ELAVL4: variants seen among roughly 807,000 people sequenced by gnomAD.
ELAVL4 encodes the protein ELAV like RNA binding protein 4.
ELAVL4 carries 1 observed loss-of-function variant against 35.6 expected under a neutral mutation model. The ratio of observed to expected loss-of-function variants is 0.03; its 90% confidence interval spans 0.01 to 0.13. ELAVL4 has a LOEUF of 0.13. Ranked by LOEUF, ELAVL4 falls within the 10% of genes least tolerant of loss-of-function variation. The pLI, the probability that ELAVL4 is intolerant of heterozygous loss-of-function variation, is 1.00. For synonymous variants in ELAVL4, 156 were observed against 171.0 expected (o/e 0.91, Z 0.69); for missense variants, 267 against 464.9 (o/e 0.57, Z 3.91).
intron 1 of ELAVL4, among the ~76,000 whole-genome samples, chr1:50,130,354 G>A (rs1472496999): frequency 6.6e-6 from 1 of 152,150 alleles, no homozygotes; most frequent in Non-Finnish European, 1.5e-5. Context: ...GACTCTGCCT[G>A]AAGACTCATT....
chr1:50,203,678 A>T lies in ELAVL4; in HGVS notation c.*2500A>T, dbSNP rs1020161812. The T allele has an allele frequency of 6.6e-6, 1 of 152,182 alleles. No individual in the cohort carries two copies. Among genetic ancestry groups the T allele is most frequent in the African/African-American group, 2.4e-5 (1 of 41,442 alleles). 9.4% of individuals were successfully genotyped at this position (152,182 alleles called of 1,614,324 possible). The stretch of plus-strand genomic sequence containing the variant: ...TGCTAGTTTAGATGATTTCCAAGGG[A>T]AAGTATTGTAAATGTTTTTTTTTCA... On this transcript the variant is annotated 3_prime_UTR_variant, in exon 7 of 7. Transcript: ENST00000371824.
chr1:50,098,140 A>G (rs1467156931), intron 1 of ELAVL4, among the ~76,000 whole-genome samples: 1 of 152,192 alleles, frequency 6.6e-6, no homozygotes, highest in Non-Finnish European at 1.5e-5. Flanking sequence ...AAAATCATCA[A>G]TGTGATGATT....
intron 1 of ELAVL4, among the ~76,000 whole-genome samples, chr1:50,074,310 T>A (rs898814169): frequency 1.1e-4 from 17 of 152,226 alleles, no homozygotes; most frequent in Admixed American, 2.6e-4. Context: ...GAGTAGGCAC[T>A]CTAGAAATCT....
chr1:50,066,920 C>A (rs1664290223), intron 1 of ELAVL4, among the ~76,000 whole-genome samples: 1 of 152,132 alleles, frequency 6.6e-6, no homozygotes, highest in Admixed American at 6.6e-5. Context: ...CCTTTTCCCT[C>A]AAACTGTCTC....
chr1:50,065,685 A>T (rs1197251850), intron 1 of ELAVL4, among the ~76,000 whole-genome samples: 2 of 152,208 alleles, frequency 1.3e-5, no homozygotes, highest in Non-Finnish European at 1.5e-5. Context: ...CAATGGTTTG[A>T]AACAGTGAAT....
rs1028979544 is a variant in ELAVL4 at position 50,135,278 on chromosome 1, A to C, written c.10-9679A>C. On this transcript the variant is annotated intron_variant, in intron 1 of 6. Transcript: ENST00000371824. ...AGCGCTATATTCTCATTGTAGAAAC[A>C]AAACAAAGAGTTGACAAATAAACAA... 3.3e-5 allele frequency among the ~76,000 whole-genome samples: 5 copies of C among 152,186 alleles called. No individual in the cohort carries two copies. In the East Asian group the frequency reaches 9.6e-4, roughly 29 times the overall value.
chr1:50,145,444 T>C (rs1673535868), intron 2 of ELAVL4, among the ~76,000 whole-genome samples: 1 of 152,204 alleles, frequency 6.6e-6, no homozygotes, highest in Non-Finnish European at 1.5e-5. Context: ...TGATTTTGTC[T>C]CCTTTTATTC....
chr1:50,182,103 G>A (rs1284657070), intron 3 of ELAVL4, among the ~76,000 whole-genome samples: 3 of 152,234 alleles, frequency 2.0e-5, no homozygotes, highest in Non-Finnish European at 2.9e-5. Context: ...TCCCAGGCCT[G>A]ACCTTCTGTT....
chr1:50,108,778 A>T (rs971853215), upstream of ELAVL4: 4 of 287,806 alleles, frequency 1.4e-5, no homozygotes, highest in African/African-American at 2.3e-5. Flanking sequence ...GAGGTCACCA[A>T]ATCATTAACA....
In ELAVL4 at chr1:50,201,268, A is replaced by G; in HGVS notation, c.*90A>G. The G allele has an allele frequency of 7.1e-7, 1 of 1,403,730 alleles. No individual in the cohort carries two copies. Among genetic ancestry groups the G allele is most frequent in the Non-Finnish European group, 9.3e-7 (1 of 1,070,784 alleles). 87.0% of individuals were successfully genotyped at this position (1,403,730 alleles called of 1,614,324 possible). A position where few individuals can be genotyped will look rare whatever the true frequency, so the allele number is the denominator to read the frequency against. On this transcript the variant is annotated 3_prime_UTR_variant, in exon 7 of 7. Transcript: ENST00000371824. The surrounding 1 kb of genome is among the most constrained non-coding windows in gnomAD (Gnocchi z 4.3). ...ACACACACATACACGAAAGAGAGAG[A>G]AACAAACTTTTCAAGGCTTATATTC...
chr1:50,062,699 C>A (rs1557681784), intron 1 of ELAVL4, among the ~76,000 whole-genome samples: 1 of 152,278 alleles, frequency 6.6e-6, no homozygotes, highest in East Asian at 1.9e-4. Context: ...AAGGTGGGGG[C>A]AGATGAATTC....
At chr1:50,199,143 A>G (rs1425034120) in intron 6 of ELAVL4, among the ~76,000 whole-genome samples, 3 of 152,220 alleles carry the variant, frequency 2.0e-5, no homozygotes, top group Non-Finnish European at 2.9e-5. Context: ...ACAAGAGGGA[A>G]GATTGACTTA....
intron 1 of ELAVL4, chr1:50,115,324 T>C (rs1224409134): frequency 6.6e-6 from 1 of 152,116 alleles, no homozygotes; most frequent in Non-Finnish European, 1.5e-5. Context: ...GTTGAGGAAA[T>C]AAGGTCAGTG....
chr1:50,110,003 C>T, intron 1 of ELAVL4: 1 of 1,552,522 alleles, frequency 6.4e-7, no homozygotes, highest in East Asian at 2.4e-5. Context: ...GGTCCCAGCC[C>T]TGTGTGTGTG....
chr1:50,134,741 C>G (rs371778033), intron 1 of ELAVL4, among the ~76,000 whole-genome samples: 9 of 152,162 alleles, frequency 5.9e-5, no homozygotes, highest in African/African-American at 1.7e-4. Context: ...ATGAAGGAAA[C>G]GTTCCCTCAT....
chr1:50,190,223 C>T (rs2148869970), intron 3 of ELAVL4, among the ~76,000 whole-genome samples: 1 of 152,316 alleles, frequency 6.6e-6, no homozygotes, highest in East Asian at 1.9e-4. Flanking sequence ...AGGGCGCTGG[C>T]TCCAGTGTTG....
chr1:50,123,574 A>G (rs965595945), intron 1 of ELAVL4, among the ~76,000 whole-genome samples: 1 of 152,060 alleles, frequency 6.6e-6, no homozygotes, highest in Non-Finnish European at 1.5e-5. Context: ...CACAATTAAG[A>G]TGAGATTTCA....
At chr1:50,170,153 A>C (rs1229466355) in intron 2 of ELAVL4, among the ~76,000 whole-genome samples, 1 of 152,226 alleles carries the variant, frequency 6.6e-6, no homozygotes, top group Non-Finnish European at 1.5e-5. Context: ...AGTGTCAGAC[A>C]GTATCTTGTG....
intron 3 of ELAVL4, chr1:50,179,735 C>T (rs952615427): frequency 1.3e-5 from 2 of 152,198 alleles, no homozygotes; most frequent in African/African-American, 4.8e-5. Context: ...ATTTCCCCCT[C>T]CTTTTCAAAT....
Sources: gnomAD v4.1 joint callset for allele counts (sites outside exome capture counted in the v4.1 genomes callset) on GRCh38, gnomAD v4.1.1 for gene constraint, Gnocchi (gnomAD v3.1) non-coding constraint, MANE v1.5 for transcripts, NCBI Gene and HGNC (gene_info 2026-07-23, HGNC 2026-07-21) for gene names.